PCDHA8: variants seen among roughly 807,000 people sequenced by gnomAD.
PCDHA8 encodes the protein protocadherin alpha 8.
Under a neutral mutation model 61.8 loss-of-function variants are expected in PCDHA8, and 53 were observed. The observed-to-expected ratio is 0.86, with a 90% CI of 0.69 to 1.08. The LOEUF is 1.08. Among genes scored for constraint, PCDHA8 ranks in the 50% least tolerant of loss-of-function variants. The pLI is 0.00. For missense variants in PCDHA8, 1,293 were observed against 1,245.0 expected (o/e 1.04, Z -0.58); for synonymous variants, 618 against 556.6 (o/e 1.11, Z -1.55).
chr5:140,862,674 C>A (rs782474067), intron 1 of PCDHA8: 5 of 549,972 alleles, frequency 9.1e-6, no homozygotes, highest in Non-Finnish European at 1.5e-5. Context: ...CGCAGGAGAA[C>A]GTGCTGGTGT....
At chr5:140,935,004 T>C (rs574626430) in intron 1 of PCDHA8, among the ~76,000 whole-genome samples, 1 of 152,340 alleles carries the variant, frequency 6.6e-6, no homozygotes, top group African/African-American at 2.4e-5. Flanking sequence ...ATCCTTTTCA[T>C]GTGAGTCTTA....
intron 1 of PCDHA8, among the ~76,000 whole-genome samples, chr5:140,896,536 C>CTTTT (rs34213614): frequency 1.4e-5 from 2 of 145,620 alleles, no homozygotes; most frequent in Admixed American, 6.8e-5. Context: ...AGCTATTTTT[C>CTTTT]TTTTTTTTTT....
At chr5:140,958,711 T>C (rs1402769483) in intron 1 of PCDHA8, among the ~76,000 whole-genome samples, 1 of 152,216 alleles carries the variant, frequency 6.6e-6, no homozygotes, top group Non-Finnish European at 1.5e-5. Flanking sequence ...AACTCTGTTA[T>C]AATAAATGTA....
chr5:140,906,611 C>T (rs2072787341), intron 1 of PCDHA8, among the ~76,000 whole-genome samples: 1 of 152,196 alleles, frequency 6.6e-6, no homozygotes, highest in Non-Finnish European at 1.5e-5. Flanking sequence ...ATTCTGTATT[C>T]CCTTTGCCTT....
intron 1 of PCDHA8, among the ~76,000 whole-genome samples, chr5:140,917,324 CG>C (rs1299895515): frequency 5.3e-5 from 4 of 76,126 alleles, no homozygotes; most frequent in African/African-American, 1.7e-4. Context: ...GTTCATGTGG[CG>C]GGGGAGGGGG....
At position 140,842,835 on chromosome 5, in the gene PCDHA8, C is replaced by T. The variant is rs146745311; in HGVS notation, c.1514C>T (p.Ser505Leu). The part of the protein sequence containing the change: ...VERRVGERSL[S>L]SYISVHTESG... Reference sequence around the variant, plus strand: ...CGGCGGGTGGGCGAGCGCTCGCTGTCGAGCTACATTTCGGTGCACACGGAG... The same window carrying T: ...CGGCGGGTGGGCGAGCGCTCGCTGTTGAGCTACATTTCGGTGCACACGGAG... The change falls in exon 1 of 4, where the codon TCG (serine) becomes TTG (leucine). Residue 505 changes from serine (S) to leucine (L), a missense_variant. Physicochemically the swap from Ser to Leu is moderately radical, Grantham distance 145. Coordinates refer to ENST00000531613, the MANE Select transcript of PCDHA8 (RefSeq NM_018911.3). The T allele has an allele frequency of 6.3e-6, 10 of 1,593,736 alleles. No homozygotes were observed. Among genetic ancestry groups the T allele is most frequent in the African/African-American group, 1.3e-5 (1 of 74,240 alleles).
In PCDHA8 at chr5:141,002,285, A is replaced by C. The variant is rs2098070605; in HGVS notation, c.2543-7342A>C. On this transcript the variant is annotated intron_variant, in intron 3 of 3. Coordinates refer to ENST00000531613, the MANE Select transcript of PCDHA8 (RefSeq NM_018911.3). ...CCCAGAGCTGGTAACAAAGGGATGA[A>C]TGGGGAGCAAAGGGGCGGGGCCGAA... 4.6e-5 allele frequency among the ~76,000 whole-genome samples: 7 copies of C among 152,158 alleles called. No individual in the cohort carries two copies. In the South Asian group the frequency reaches 1.4e-3, roughly 31 times the overall value.
intron 1 of PCDHA8, among the ~76,000 whole-genome samples, chr5:140,921,161 T>A (rs201050388): frequency 2.1e-5 from 3 of 141,450 alleles, no homozygotes; most frequent in African/African-American, 5.2e-5. Context: ...ATTTTTTTTT[T>A]AACACACATA....
chr5:140,885,213 AT>A (rs1364699535), intron 1 of PCDHA8, among the ~76,000 whole-genome samples: 44 of 152,178 alleles, frequency 2.9e-4, no homozygotes, highest in African/African-American at 1.0e-3. Context: ...CCCATGAAAA[AT>A]ATCTTGTGAT....
rs782226254 is a variant in PCDHA8 at position 140,882,345 on chromosome 5, C to T, written c.2394+38630C>T. The T allele has an allele frequency of 6.8e-6, 11 of 1,614,042 alleles. No homozygotes were observed. In the Admixed American group the frequency reaches 1.5e-4, roughly 22 times the overall value. Reference sequence around the variant, plus strand: ...CTTCTGATCCTCGCAGCCTGGGAGACGGGTAGTGGCCAGCTCCACTACTCC... The same window carrying T: ...CTTCTGATCCTCGCAGCCTGGGAGATGGGTAGTGGCCAGCTCCACTACTCC... On this transcript the variant is annotated intron_variant, in intron 1 of 3. Transcript: ENST00000531613.
chr5:140,847,794 A>G (rs1581138286), intron 1 of PCDHA8: 1 of 149,890 alleles, frequency 6.7e-6, no homozygotes, highest in Admixed American at 6.7e-5. Context: ...GCAATATTTT[A>G]TACCTTTTCA....
At chr5:140,858,653 TTTTAAATAACAATTTATTCTGAATACAC>T in intron 1 of PCDHA8, 1 of 816,482 alleles carries the variant, frequency 1.2e-6, no homozygotes, top group Non-Finnish European at 1.9e-6. Flanking sequence ...ACTTAAATTT[TTTTAAATAACAATTTATTCTGAATACAC>T]TAATATTTTC....
At chr5:140,935,673 A>T (rs1462991962) in intron 1 of PCDHA8, among the ~76,000 whole-genome samples, 1 of 152,180 alleles carries the variant, frequency 6.6e-6, no homozygotes, top group Non-Finnish European at 1.5e-5. Flanking sequence ...AATTATGTGA[A>T]ATATTTACAT....
At chr5:140,854,994 G>A (rs1261400565) in intron 1 of PCDHA8, among the ~76,000 whole-genome samples, 3 of 149,538 alleles carry the variant, frequency 2.0e-5, no homozygotes, top group Non-Finnish European at 4.5e-5. Context: ...CTTTTTGCCC[G>A]TGTAAGATAT....
rs782537122 is a variant in PCDHA8 at position 140,875,892 on chromosome 5, A to G, written c.2394+32177A>G. On this transcript the variant is annotated intron_variant, in intron 1 of 3. Coordinates refer to ENST00000531613, the MANE Select transcript of PCDHA8 (RefSeq NM_018911.3). ...TGTTCAGAGAAAGGGAACAAAAGGTACCTGTTTCTGAATCTGCGCCTCTGG... is the reference window on the plus strand; with the variant it reads ...TGTTCAGAGAAAGGGAACAAAAGGTGCCTGTTTCTGAATCTGCGCCTCTGG... 9 of 1,614,044 alleles carry G rather than the reference A, an allele frequency of 5.6e-6. No homozygotes were observed. The African/African-American group carries it at 1.2e-4, about 22-fold the overall frequency.
intron 1 of PCDHA8, chr5:140,884,560 G>A: frequency 6.2e-7 from 1 of 1,614,132 alleles, no homozygotes; most frequent in African/African-American, 1.3e-5. Context: ...GGGAGGGCCC[G>A]CATAAGACGG....
intron 1 of PCDHA8, among the ~76,000 whole-genome samples, chr5:140,923,018 T>G (rs1353684633): frequency 6.6e-6 from 1 of 152,224 alleles, no homozygotes; most frequent in African/African-American, 2.4e-5. Flanking sequence ...GACTGCAGTT[T>G]CGGACTCTAT....
In PCDHA8 at chr5:140,856,797, T is replaced by C. The variant is rs116416365; in HGVS notation, c.2394+13082T>C. The C allele has an allele frequency of 1.0e-3, 1,647 of 1,595,690 alleles. 103 individuals carry two copies. The African/African-American group carries it at 0.02, about 19-fold the overall frequency. On this transcript the variant is annotated intron_variant, in intron 1 of 3. Transcript: ENST00000531613. ...GACAGACCGGTTTATGAAGTTAAGA[T>C]GTATGAAAATCAAGTGAACCAAACA... is the stretch of plus-strand genomic sequence containing the variant.
chr5:140,969,074 C>T (rs782163688), intron 1 of PCDHA8: 3 of 1,614,142 alleles, frequency 1.9e-6, no homozygotes, highest in Non-Finnish European at 2.5e-6. Flanking sequence ...CAGGATACCG[C>T]ATGGCCTCAA....
Sources: gnomAD v4.1 joint callset for allele counts (sites outside exome capture counted in the v4.1 genomes callset) on GRCh38, gnomAD v4.1.1 for gene constraint, MANE v1.5 for transcripts, NCBI Gene and HGNC (gene_info 2026-07-23, HGNC 2026-07-21) for gene names.